Variants in CCDC170 observed in about 807,000 individuals in gnomAD.
The protein encoded by CCDC170 is coiled-coil domain-containing protein 170.
In CCDC170, 69 loss-of-function variants were observed where a neutral mutation model predicts 72.6. The ratio of observed to expected loss-of-function variants is 0.95; its 90% CI spans 0.78 to 1.16. The LOEUF (loss-of-function observed/expected upper bound fraction) is 1.16, where lower values mean the gene tolerates loss of function less well. CCDC170 is among the 50% of genes most tolerant of loss of function. The pLI is 0.00. For missense variants in CCDC170, 852 were observed against 832.5 expected, an observed-to-expected ratio of 1.02 and a Z score of -0.29; for synonymous variants, 300 against 303.9, an observed-to-expected ratio of 0.99 and a Z score of 0.13.
intron 1 of CCDC170, among the ~76,000 whole-genome samples, chr6:151,516,058 C>T (rs992356846): frequency 6.8e-6 from 1 of 148,030 alleles, no homozygotes; most frequent in Admixed American, 6.8e-5. Flanking sequence ...GAGCAAGATT[C>T]TGTCTCAGAA....
At chr6:151,599,837 G>C (rs1323804658) in intron 9 of CCDC170, among the ~76,000 whole-genome samples, 1 of 152,194 alleles carries the variant, frequency 6.6e-6, no homozygotes, top group Non-Finnish European at 1.5e-5. Flanking sequence ...AGGGATGAAA[G>C]AGAAATGAAA....
chr6:151,532,688 A>G (rs1186844731), intron 1 of CCDC170, among the ~76,000 whole-genome samples: 1 of 152,250 alleles, frequency 6.6e-6, no homozygotes, highest in Non-Finnish European at 1.5e-5. Flanking sequence ...CTCAACATTT[A>G]AAACATATAA....
rs369880067 is a variant in CCDC170, at chr6:151,619,302, T to A, written c.*1155T>A. On this transcript the variant is annotated 3_prime_UTR_variant, in exon 11 of 11. Transcript: ENST00000239374. The stretch of plus-strand genomic sequence containing the variant: ...CTATATAGTCTTATTCACCAATATA[T>A]CCAATACACCCACAGCAATGGTACC... The A allele has an allele frequency of 3.3e-5, 5 of 152,260 alleles. No individual in the cohort carries two copies. The East Asian group carries it at 9.6e-4, about 29-fold the overall frequency. The allele number at this position is 152,260 out of a possible 1,614,324, so 9.4% of individuals were successfully genotyped here. A position where few individuals can be genotyped will look rare whatever the true frequency, so the allele number is the denominator to read the frequency against.
rs116691962 is a variant in CCDC170, at chr6:151,502,067, A to C, written c.57+7882A>C. ...TTCTCTTACTGATACCAGCACAGCTATTGCTGATAGTTTATATATCTACAT... is the reference window on the plus strand; with the variant it reads ...TTCTCTTACTGATACCAGCACAGCTCTTGCTGATAGTTTATATATCTACAT... On this transcript the variant is annotated intron_variant, in intron 1 of 10. Transcript: ENST00000239374. Among the ~76,000 whole-genome samples the C allele has an allele frequency of 7.0e-3, 1,073 of 152,310 alleles. 15 individuals are homozygous for C. The highest frequency in any genetic ancestry group is 0.024 in the African/African-American group (1,009 of 41,564).
At chr6:151,530,908 A>T (rs1782482739) in intron 1 of CCDC170, among the ~76,000 whole-genome samples, 1 of 152,068 alleles carries the variant, frequency 6.6e-6, no homozygotes. Flanking sequence ...CTCTTAGGTC[A>T]TTGGTTTTCT....
intron 5 of CCDC170, among the ~76,000 whole-genome samples, chr6:151,567,119 A>G (rs1383691735): frequency 6.6e-6 from 1 of 152,062 alleles, no homozygotes; most frequent in Admixed American, 6.6e-5. Context: ...GGGTTTCTCC[A>G]TGTTGGTCAG....
At chr6:151,510,548 C>T (rs1782132656) in intron 1 of CCDC170, among the ~76,000 whole-genome samples, 1 of 151,928 alleles carries the variant, frequency 6.6e-6, no homozygotes, top group African/African-American at 2.4e-5. Context: ...AAAAAAAACC[C>T]TTGAGATTAA....
intron 1 of CCDC170, among the ~76,000 whole-genome samples, chr6:151,525,225 C>A (rs1328502759): frequency 6.6e-6 from 1 of 152,174 alleles, no homozygotes; most frequent in Non-Finnish European, 1.5e-5. Flanking sequence ...AGCCACCACA[C>A]CCAGCCTAGT....
Position 151,618,303 on chromosome 6 carries a change from G to A in CCDC170, c.*156G>A, listed in dbSNP as rs1158996842. 4 of 639,232 alleles carry A rather than the reference G, an allele frequency of 6.3e-6. No individual in the cohort carries two copies. Among genetic ancestry groups the A allele is most frequent in the Non-Finnish European group, 1.1e-5 (4 of 377,796 alleles). 39.6% of individuals were successfully genotyped at this position (639,232 alleles called of 1,614,324 possible). A position where few individuals can be genotyped will look rare whatever the true frequency, so the allele number is the denominator to read the frequency against. On this transcript the variant is annotated 3_prime_UTR_variant, in exon 11 of 11. Transcript: ENST00000239374. ...CACTTGCAAAAACGATCTCAAAAGTGTCAGCCTTAGATAAACGTTCAGCAT... is the reference window on the plus strand; with the variant it reads ...CACTTGCAAAAACGATCTCAAAAGTATCAGCCTTAGATAAACGTTCAGCAT...
chr6:151,596,480 T>G lies in CCDC170; in HGVS notation c.1613T>G (p.Leu538Trp). 2 of 1,614,062 alleles carry G rather than the reference T, an allele frequency of 1.2e-6. No homozygotes were observed. The highest frequency in any genetic ancestry group is 4.5e-5 in the East Asian group (2 of 44,872). The change falls in exon 9 of 11, where the codon TTG (leucine) becomes TGG (tryptophan). Residue 538 changes from leucine to tryptophan, a missense_variant. By Grantham distance (61) the Leu-to-Trp change is moderately conservative (BLOSUM62 -2). Transcript: ENST00000239374. ...AACGCGCATCTTACCATCAGGAACT[T>G]GCAGAAGAAGGTGGAGAGGCTGCAG... The part of the protein sequence containing the change: ...RDNAHLTIRN[L>W]QKKVERLQKE...
intron 1 of CCDC170, among the ~76,000 whole-genome samples, chr6:151,524,000 G>A (rs1192218517): frequency 6.6e-6 from 1 of 152,152 alleles, no homozygotes; most frequent in Non-Finnish European, 1.5e-5. Context: ...AGGGGAGAGG[G>A]GATCCAGAAG....
chr6:151,522,020 C>G (rs995150512), intron 1 of CCDC170, among the ~76,000 whole-genome samples: 1 of 147,498 alleles, frequency 6.8e-6, no homozygotes, highest in Admixed American at 6.8e-5. Context: ...ATTTGTTGGG[C>G]ATGTTGGCAT....
At chr6:151,542,143 G>C (rs1782701568) in intron 3 of CCDC170, among the ~76,000 whole-genome samples, 1 of 151,942 alleles carries the variant, frequency 6.6e-6, no homozygotes, top group South Asian at 2.1e-4. Context: ...GTGTCCCAAA[G>C]TGTTAGGATT....
chr6:151,593,239 G>A lies in CCDC170; in HGVS notation c.1426G>A (p.Val476Ile), dbSNP rs1379545884. Residue 476 changes from valine to isoleucine, a missense_variant, in exon 8 of 11, where the codon GTC (valine) becomes ATC (isoleucine). Val to Ile is a conservative substitution (Grantham distance 29). Transcript: ENST00000239374. ...EQLVRLESNAVIENKTIAHNL... is the reference protein window; with the variant it reads ...EQLVRLESNAIIENKTIAHNL... ...GCTGGTTCGTCTTGAGAGCAATGCA[G>A]TCATTGAGAACAAGACCATTGCCCA... is the stretch of plus-strand genomic sequence containing the variant. 8.7e-6 allele frequency: 14 copies of A among 1,614,200 alleles called. No individual in the cohort carries two copies. The highest frequency in any genetic ancestry group is 1.1e-5 in the Non-Finnish European group (13 of 1,180,020).
intron 5 of CCDC170, among the ~76,000 whole-genome samples, chr6:151,557,181 G>A (rs1351024230): frequency 6.6e-6 from 1 of 151,924 alleles, no homozygotes; most frequent in African/African-American, 2.4e-5. Context: ...GGCCAAGGCG[G>A]GTGGATCATG....
chr6:151,579,197 AAAAG>A (rs1201401207), intron 6 of CCDC170, among the ~76,000 whole-genome samples: 12 of 152,338 alleles, frequency 7.9e-5, no homozygotes, highest in Admixed American at 4.6e-4. Context: ...AAAAGAAAAG[AAAAG>A]AAAGAAAGGC....
intron 8 of CCDC170, among the ~76,000 whole-genome samples, chr6:151,594,523 CTG>C (rs1776591501): frequency 6.6e-6 from 1 of 152,126 alleles, no homozygotes; most frequent in South Asian, 2.1e-4. Flanking sequence ...TTCCAAAGTT[CTG>C]CTCAGATAAT....
intron 8 of CCDC170, among the ~76,000 whole-genome samples, chr6:151,593,758 C>G (rs1416481285): frequency 6.6e-6 from 1 of 151,574 alleles, no homozygotes; most frequent in Admixed American, 6.6e-5. Context: ...AATAGGGCTG[C>G]AAAAGAACAA....
At chr6:151,572,921 G>A (rs1776244524) in intron 5 of CCDC170, among the ~76,000 whole-genome samples, 1 of 151,768 alleles carries the variant, frequency 6.6e-6, no homozygotes, top group Admixed American at 6.6e-5. Flanking sequence ...CAAAATGCTG[G>A]GATTACAGGT....
Sources: allele counts gnomAD v4.1 joint callset (sites outside exome capture counted in the v4.1 genomes callset), GRCh38; gene constraint gnomAD v4.1.1; transcripts MANE v1.5; gene names NCBI Gene and HGNC (gene_info 2026-07-23, HGNC 2026-07-21).